The following BORCS6 variants were observed in gnomAD, a reference collection of about 807,000 sequenced individuals.
BORCS6 encodes BLOC-1 related complex subunit 6.
In BORCS6, 12 loss-of-function variants were observed where a neutral mutation model predicts 17.0. That is an observed-to-expected ratio of 0.71 (90% CI 0.45 to 1.15). BORCS6 has a LOEUF of 1.15. Ranked by LOEUF, BORCS6 falls within the 50% of genes most tolerant of loss-of-function variation. BORCS6 has a pLI of 0.00. For synonymous variants in BORCS6, 262 were observed against 241.7 expected, an observed-to-expected ratio of 1.08 and a Z score of -0.78; for missense variants, 513 against 515.0, an observed-to-expected ratio of 1.00 and a Z score of 0.04.
chr17:8,189,695 G>C lies in BORCS6; in HGVS notation c.446C>G (p.Ala149Gly). 1 of 1,598,578 alleles carries C rather than the reference G, an allele frequency of 6.3e-7. No individual in the cohort carries two copies. Among genetic ancestry groups the C allele is most frequent in the Non-Finnish European group, 8.5e-7 (1 of 1,179,574 alleles). The change falls in exon 1 of 1, where the codon GCG becomes GGG. Residue 149 changes from alanine to glycine, a missense_variant. Physicochemically the swap from Ala to Gly is moderately conservative, Grantham distance 60. Coordinates refer to ENST00000389017, the MANE Select transcript of BORCS6 (RefSeq NM_017622.3). The surrounding 1 kb of genome is among the most constrained non-coding windows in gnomAD (Gnocchi z 7.8). Reference sequence around the variant, plus strand: ...GCGGCCGGCTCTGCTGCCCGCGGCCGCCTCCTCGTCGTTGTCTTCCTCCTC... The same window carrying C: ...GCGGCCGGCTCTGCTGCCCGCGGCCCCCTCCTCGTCGTTGTCTTCCTCCTC... ...QQEEEDNDEE[A>G]AAGSRAGRSF...
In BORCS6 at chr17:8,189,691, G is replaced by A; in HGVS notation, c.450C>T (p.Ala150=). The A allele has an allele frequency of 6.3e-7, 1 of 1,598,630 alleles. No homozygotes were observed. The highest frequency in any genetic ancestry group is 8.5e-7 in the Non-Finnish European group (1 of 1,179,562). The change falls in exon 1 of 1, where the codon GCC becomes GCT. Residue 150 remains alanine (A), a synonymous_variant. Coordinates refer to ENST00000389017, the MANE Select transcript of BORCS6 (RefSeq NM_017622.3). This position sits in a 1 kb window ranked among gnomAD's most constrained non-coding sequence, Gnocchi z 7.8. ...ACGAGCGGCCGGCTCTGCTGCCCGCGGCCGCCTCCTCGTCGTTGTCTTCCT... is the reference window on the plus strand; with the variant it reads ...ACGAGCGGCCGGCTCTGCTGCCCGCAGCCGCCTCCTCGTCGTTGTCTTCCT... ...QEEEDNDEEA[A]AGSRAGRSFS...
chr17:8,189,754 C>T lies in BORCS6; in HGVS notation c.387G>A (p.Gly129=). ...CAACATCCATCCCGCCGCCTGGTCC[C>T]CCTCGACGGCAGTCCCTCCCGGAGG... ...KPSSGRDCRR[G]GPGGGMDVEQ... The change falls in exon 1 of 1, where the codon GGG becomes GGA. Residue 129 remains glycine (G), a synonymous_variant. Transcript: ENST00000389017. The surrounding 1 kb of genome is among the most constrained non-coding windows in gnomAD (Gnocchi z 7.8). 6.3e-7 allele frequency: 1 copy of T among 1,599,936 alleles called. No homozygotes were observed. The highest frequency in any genetic ancestry group is 8.5e-7 in the Non-Finnish European group (1 of 1,179,570).
In BORCS6 at chr17:8,190,117, G is replaced by T. The variant is rs1225360901; in HGVS notation, c.24C>A (p.Pro8=). The change falls in exon 1 of 1, where the codon CCC becomes CCA. Residue 8 remains proline (P), a synonymous_variant. Coordinates refer to ENST00000389017, the MANE Select transcript of BORCS6 (RefSeq NM_017622.3). ...CAGCCAGAAGGTCCGTCTCGGGCCC[G>T]GGCCGCCCCCGAGACGACTCCATAC... MESSRGR[P]GPETDLLAVA... is the part of the protein sequence containing the mutation. The T allele has an allele frequency of 4.5e-6, 7 of 1,549,706 alleles. No homozygotes were observed. In the South Asian group the frequency reaches 8.3e-5, roughly 18 times the overall value.
rs889759022 is a variant in BORCS6, at chr17:8,189,553, G to T, written c.588C>A (p.Thr196=). 22 of 1,580,668 alleles carry T rather than the reference G, an allele frequency of 1.4e-5. No individual in the cohort carries two copies. Among genetic ancestry groups the T allele is most frequent in the East Asian group, 1.4e-4 (6 of 43,572 alleles). ...CTTCGAGCTCCAGGGGACTGGAGATGGTGGCGCGGCGTCCGCCGCCCGCGC... is the reference window on the plus strand; with the variant it reads ...CTTCGAGCTCCAGGGGACTGGAGATTGTGGCGCGGCGTCCGCCGCCCGCGC... ...ESGAGGGRRA[T]ISSPLELEGT... is the part of the protein sequence containing the mutation. The change falls in exon 1 of 1, where the codon ACC becomes ACA. Residue 196 remains threonine, a synonymous_variant. Transcript: ENST00000389017. This position sits in a 1 kb window ranked among gnomAD's most constrained non-coding sequence, Gnocchi z 7.8.
rs1598283567 is a variant in BORCS6, at chr17:8,189,505, G to T, written c.636C>A (p.Asp212Glu). Residue 212 changes from aspartate to glutamate, a missense_variant, in exon 1 of 1, where the codon GAC becomes GAA. Physicochemically the swap from Asp to Glu is conservative, Grantham distance 45. Transcript: ENST00000389017. This position sits in a 1 kb window ranked among gnomAD's most constrained non-coding sequence, Gnocchi z 7.8. The stretch of plus-strand genomic sequence containing the variant: ...GGTTGTTGGCGACAAAGTGGGTAAG[G>T]TCGCCGTGGCGGCTCACTGTGCCTT... ...ELEGTVSRHG[D>E]LTHFVANNLQ... is the part of the protein sequence containing the mutation. 8 of 1,572,000 alleles carry T rather than the reference G, an allele frequency of 5.1e-6. No homozygotes were observed. The highest frequency in any genetic ancestry group is 6.9e-6 in the Non-Finnish European group (8 of 1,160,072).
Position 8,189,724 on chromosome 17 carries a change from C to T in BORCS6, c.417G>A (p.Gln139=). 1 of 1,599,406 alleles carries T rather than the reference C, an allele frequency of 6.3e-7. No homozygotes were observed. The highest frequency in any genetic ancestry group is 8.5e-7 in the Non-Finnish European group (1 of 1,179,694). Residue 139 remains glutamine, a synonymous_variant, in exon 1 of 1, where the codon CAG becomes CAA. Coordinates refer to ENST00000389017, the MANE Select transcript of BORCS6 (RefSeq NM_017622.3). The surrounding 1 kb of genome is among the most constrained non-coding windows in gnomAD (Gnocchi z 7.8). ...GGPGGGMDVE[Q]QEEEDNDEEA... ...CCTCGTCGTTGTCTTCCTCCTCCTG[C>T]TGCTCAACATCCATCCCGCCGCCTG...
In BORCS6 at chr17:8,189,186, A is replaced by G. The variant is rs1184935374; in HGVS notation, c.955T>C (p.Tyr319His). 1 of 1,614,120 alleles carries G rather than the reference A, an allele frequency of 6.2e-7. No individual in the cohort carries two copies. The highest frequency in any genetic ancestry group is 1.7e-5 in the Admixed American group (1 of 60,026). Residue 319 changes from tyrosine to histidine, a missense_variant, in exon 1 of 1, where the codon TAC becomes CAC. Physicochemically the swap from Tyr to His is moderately conservative, Grantham distance 83. Coordinates refer to ENST00000389017, the MANE Select transcript of BORCS6 (RefSeq NM_017622.3). This position sits in a 1 kb window ranked among gnomAD's most constrained non-coding sequence, Gnocchi z 7.8. ...EAVDMSIKGM[Y>H]TLLARCEELE... is the part of the protein sequence containing the mutation. The stretch of plus-strand genomic sequence containing the variant: ...TCCTCGCAGCGCGCCAGCAGGGTGT[A>G]CATGCCCTTGATGCTCATGTCCACG...
At position 8,190,046 on chromosome 17, in the gene BORCS6, G is replaced by T. The variant is rs1428369985; in HGVS notation, c.95C>A (p.Thr32Lys). 4 of 1,550,008 alleles carry T rather than the reference G, an allele frequency of 2.6e-6. No homozygotes were observed. The highest frequency in any genetic ancestry group is 1.4e-5 in the African/African-American group (1 of 73,032). ...ALVFGGGPGRTSSEPPAGLRV... is the reference protein window; with the variant it reads ...ALVFGGGPGRKSSEPPAGLRV... ...GAGGCCTGCGGGCGGCTCAGAGGAC[G>T]TTCGGCCCGGCCCGCCGCCAAAGAC... Residue 32 changes from threonine (T) to lysine (K), a missense_variant, in exon 1 of 1, where the codon ACG becomes AAG. Thr to Lys is a moderately conservative substitution (Grantham distance 78). Transcript: ENST00000389017.
rs1267789786 is a variant in BORCS6 at position 8,189,363 on chromosome 17, C to T, written c.778G>A (p.Val260Met). 1 of 1,609,424 alleles carries T rather than the reference C, an allele frequency of 6.2e-7. No individual in the cohort carries two copies. The highest frequency in any genetic ancestry group is 1.1e-5 in the South Asian group (1 of 90,614). Residue 260 changes from valine to methionine, a missense_variant, in exon 1 of 1, where the codon GTG (valine) becomes ATG (methionine). By Grantham distance (21) the Val-to-Met change is conservative (BLOSUM62 1). Coordinates refer to ENST00000389017, the MANE Select transcript of BORCS6 (RefSeq NM_017622.3). This position sits in a 1 kb window ranked among gnomAD's most constrained non-coding sequence, Gnocchi z 7.8. ...CTCAACCGCTCCAGATCCCGCAGCA[C>T]CTCGGGGTCGATTGGGGGAATGGCC... ...TPAIPPIDPE[V>M]LRDLERLSRE... is the part of the protein sequence containing the mutation.
chr17:8,189,541 G>C lies in BORCS6; in HGVS notation c.600C>G (p.Pro200=). The C allele has an allele frequency of 6.3e-7, 1 of 1,580,518 alleles. No individual in the cohort carries two copies. Among genetic ancestry groups the C allele is most frequent in the South Asian group, 1.1e-5 (1 of 87,850 alleles). Residue 200 remains proline (P), a synonymous_variant, in exon 1 of 1, where the codon CCC becomes CCG. Transcript: ENST00000389017. The surrounding 1 kb of genome is among the most constrained non-coding windows in gnomAD (Gnocchi z 7.8). ...GGGRRATISS[P]LELEGTVSRH... is the part of the protein sequence containing the mutation. ...GGCTCACTGTGCCTTCGAGCTCCAG[G>C]GGACTGGAGATGGTGGCGCGGCGTC...
Position 8,189,355 on chromosome 17 carries a change from C to A in BORCS6, c.786G>T (p.Arg262=). 6.2e-7 allele frequency: 1 copy of A among 1,611,138 alleles called. No individual in the cohort carries two copies. The highest frequency in any genetic ancestry group is 8.5e-7 in the Non-Finnish European group (1 of 1,178,788). ...AIPPIDPEVL[R]DLERLSRELG... ...GCTCCCGACTCAACCGCTCCAGATCCCGCAGCACCTCGGGGTCGATTGGGG... is the reference window on the plus strand; with the variant it reads ...GCTCCCGACTCAACCGCTCCAGATCACGCAGCACCTCGGGGTCGATTGGGG... Residue 262 remains arginine (R), a synonymous_variant, in exon 1 of 1, where the codon CGG becomes CGT. Coordinates refer to ENST00000389017, the MANE Select transcript of BORCS6 (RefSeq NM_017622.3). The surrounding 1 kb of genome is among the most constrained non-coding windows in gnomAD (Gnocchi z 7.8).
chr17:8,189,377 G>A lies in BORCS6; in HGVS notation c.764C>T (p.Pro255Leu). The change falls in exon 1 of 1, where the codon CCA (proline) becomes CTA (leucine). Residue 255 changes from proline (P) to leucine (L), a missense_variant. Pro to Leu is a moderately conservative substitution (Grantham distance 98, BLOSUM62 -3). Transcript: ENST00000389017. This position sits in a 1 kb window ranked among gnomAD's most constrained non-coding sequence, Gnocchi z 7.8. ...PAPTPTPAIP[P>L]IDPEVLRDLE... ...ATCCCGCAGCACCTCGGGGTCGATT[G>A]GGGGAATGGCCGGTGTGGGTGTGGG... The A allele has an allele frequency of 1.2e-6, 2 of 1,601,792 alleles. No homozygotes were observed. The highest frequency in any genetic ancestry group is 8.5e-7 in the Non-Finnish European group (1 of 1,174,212).
rs1388886120 is a variant in BORCS6, at chr17:8,189,330, G to A, written c.811C>T (p.Leu271=). 1 of 1,612,808 alleles carries A rather than the reference G, an allele frequency of 6.2e-7. No individual in the cohort carries two copies. The highest frequency in any genetic ancestry group is 8.5e-7 in the Non-Finnish European group (1 of 1,179,578). The change falls in exon 1 of 1, where the codon CTG becomes TTG. Residue 271 remains leucine, a synonymous_variant. Coordinates refer to ENST00000389017, the MANE Select transcript of BORCS6 (RefSeq NM_017622.3). The surrounding 1 kb of genome is among the most constrained non-coding windows in gnomAD (Gnocchi z 7.8). ...AGCAGACGGTCCACCCGGCCTCCCAGCTCCCGACTCAACCGCTCCAGATCC... is the reference window on the plus strand; with the variant it reads ...AGCAGACGGTCCACCCGGCCTCCCAACTCCCGACTCAACCGCTCCAGATCC... ...LRDLERLSRE[L]GGRVDRLLRG...
Position 8,189,901 on chromosome 17 carries a change from G to A in BORCS6, c.240C>T (p.Asn80=), listed in dbSNP as rs1306480951. ...ACAGCGTCCCTTGAGGGCCGGGCTC[G>A]TTCTCCAGAGCCTCCCGTTCCGGCC... ...VHRPEREALE[N]EPGPQGTLSG... The change falls in exon 1 of 1, where the codon AAC becomes AAT. Residue 80 remains asparagine, a synonymous_variant. Coordinates refer to ENST00000389017, the MANE Select transcript of BORCS6 (RefSeq NM_017622.3). The surrounding 1 kb of genome is among the most constrained non-coding windows in gnomAD (Gnocchi z 7.8). 1.3e-6 allele frequency: 2 copies of A among 1,547,740 alleles called. No homozygotes were observed. Among genetic ancestry groups the A allele is most frequent in the Non-Finnish European group, 1.7e-6 (2 of 1,146,600 alleles).
Position 8,189,916 on chromosome 17 carries a change from C to G in BORCS6, c.225G>C (p.Arg75=), listed in dbSNP as rs902011955. The part of the protein sequence containing the change: ...SSCGVVHRPE[R]EALENEPGPQ... ...GGCCGGGCTCGTTCTCCAGAGCCTC[C>G]CGTTCCGGCCGGTGGACGACGCCGC... Residue 75 remains arginine (R), a synonymous_variant, in exon 1 of 1, where the codon CGG becomes CGC. Transcript: ENST00000389017. The surrounding 1 kb of genome is among the most constrained non-coding windows in gnomAD (Gnocchi z 7.8). 1.3e-6 allele frequency: 2 copies of G among 1,548,450 alleles called. No individual in the cohort carries two copies. The highest frequency in any genetic ancestry group is 1.4e-5 in the African/African-American group (1 of 73,042).
Position 8,188,593 on chromosome 17 carries a change from T to C in BORCS6, c.*474A>G. 5.2e-6 allele frequency: 1 copy of C among 191,564 alleles called. No individual in the cohort carries two copies. The highest frequency in any genetic ancestry group is 8.3e-5 in the South Asian group (1 of 12,080). The allele number at this position is 191,564 out of a possible 1,614,324, so 11.9% of individuals were successfully genotyped here. ...AAGGCTCTCCATCAGCAGGGGTGCA[T>C]CTTTGCCTGCGGGGTGTTTGGCCAA... On this transcript the variant is annotated 3_prime_UTR_variant, in exon 1 of 1. Transcript: ENST00000389017.
In BORCS6 at chr17:8,188,890, C is replaced by T. The variant is rs2151458563; in HGVS notation, c.*177G>A. The T allele has an allele frequency of 1.1e-6, 1 of 899,966 alleles. No individual in the cohort carries two copies. Among genetic ancestry groups the T allele is most frequent in the South Asian group, 1.7e-5 (1 of 59,026 alleles). The allele number at this position is 899,966 out of a possible 1,614,324, so 55.7% of individuals were successfully genotyped here. On this transcript the variant is annotated 3_prime_UTR_variant, in exon 1 of 1. Transcript: ENST00000389017. Reference sequence around the variant, plus strand: ...CACCAGGAGAGCCGTTAGAACTTCCCCACATACACCAGCCTAAGGCCCAGC... The same window carrying T: ...CACCAGGAGAGCCGTTAGAACTTCCTCACATACACCAGCCTAAGGCCCAGC...
At position 8,189,141 on chromosome 17, in the gene BORCS6, G is replaced by T; in HGVS notation, c.1000C>A (p.Pro334Thr). 1 of 1,614,092 alleles carries T rather than the reference G, an allele frequency of 6.2e-7. No individual in the cohort carries two copies. Among genetic ancestry groups the T allele is most frequent in the East Asian group, 2.2e-5 (1 of 44,886 alleles). Residue 334 changes from proline to threonine, a missense_variant, in exon 1 of 1, where the codon CCG becomes ACG. Physicochemically the swap from Pro to Thr is conservative, Grantham distance 38 (BLOSUM62 -1). Coordinates refer to ENST00000389017, the MANE Select transcript of BORCS6 (RefSeq NM_017622.3). The surrounding 1 kb of genome is among the most constrained non-coding windows in gnomAD (Gnocchi z 7.8). Reference protein sequence around the residue: ...RCEELERALQPVQGLARQVRD... With the variant: ...RCEELERALQTVQGLARQVRD... ...ACTTGGCGCGCCAGCCCCTGAACCG[G>T]CTGCAGAGCCCGCTCCAGCTCCTCG...
rs756897380 is a variant in BORCS6 at position 8,190,180 on chromosome 17, C to T, written c.-40G>A. 11 of 1,524,592 alleles carry T rather than the reference C, an allele frequency of 7.2e-6. No individual in the cohort carries two copies. Among genetic ancestry groups the T allele is most frequent in the Non-Finnish European group, 8.8e-6 (10 of 1,137,374 alleles). 94.4% of individuals were successfully genotyped at this position (1,524,592 alleles called of 1,614,324 possible). ...CCGCAACGGAGGAATTGGTTCGCCC[C>T]GGCTCCGGAGGCAGTGGCTGCGCCT... is the stretch of plus-strand genomic sequence containing the variant. On this transcript the variant is annotated 5_prime_UTR_variant, in exon 1 of 1. Coordinates refer to ENST00000389017, the MANE Select transcript of BORCS6 (RefSeq NM_017622.3).
Sources: gnomAD v4.1 joint callset for allele counts on GRCh38, gnomAD v4.1.1 for gene constraint, Gnocchi (gnomAD v3.1) non-coding constraint, MANE v1.5 for transcripts, NCBI Gene and HGNC (gene_info 2026-07-23, HGNC 2026-07-21) for gene names.